CAD: variants seen among roughly 807,000 people sequenced by gnomAD.
The protein encoded by CAD is multifunctional protein CAD.
A neutral mutation model predicts 237.2 loss-of-function variants in CAD; 81 were observed. The ratio of observed to expected loss-of-function variants is 0.34; its 90% CI spans 0.29 to 0.41. The LOEUF (loss-of-function observed/expected upper bound fraction) is 0.41. Ranked by LOEUF, CAD falls within the 10% of genes least tolerant of loss-of-function variation. The probability of loss-of-function intolerance (pLI) is 1.00; values close to 1 mark genes in which losing one functional copy is unlikely to be tolerated. For missense variants in CAD, 2,181 were observed against 2,951.7 expected, an observed-to-expected ratio of 0.74 and a Z score of 6.05; for synonymous variants, 1,196 against 1,162.8, an observed-to-expected ratio of 1.03 and a Z score of -0.58.
rs1675898531 is a variant in CAD at position 27,234,245 on chromosome 2, A to G, written c.3618+19A>G. The G allele has an allele frequency of 6.2e-7, 1 of 1,602,828 alleles. No individual in the cohort carries two copies. Among genetic ancestry groups the G allele is most frequent in the Non-Finnish European group, 8.5e-7 (1 of 1,169,696 alleles). On this transcript the variant is annotated intron_variant, in intron 22 of 43. Coordinates refer to ENST00000264705, the MANE Select transcript of CAD (RefSeq NM_004341.5). ...TGCCAAGGTAATAAGGCTAAAGGAA[A>G]GAACTAAAGGGCCACAGCTCTTGCA...
intron 15 of CAD, among the ~76,000 whole-genome samples, chr2:27,229,543 T>G (rs1675618320): frequency 6.6e-6 from 1 of 152,114 alleles, no homozygotes; most frequent in Non-Finnish European, 1.5e-5. Flanking sequence ...AGTGTTGGAT[T>G]ACAGGTGAGA....
chr2:27,240,451 C>T lies in CAD; in HGVS notation c.5593+90C>T, dbSNP rs1676261116. On this transcript the variant is annotated intron_variant, in intron 35 of 43. Coordinates refer to ENST00000264705, the MANE Select transcript of CAD (RefSeq NM_004341.5). This position sits in a 1 kb window ranked among gnomAD's most constrained non-coding sequence, Gnocchi z 4.6. ...TCGCCTTTCTCTACTTACATGTCCT[C>T]CTCTCCATCCCTTTATCCTCGTCTG... 1.4e-6 allele frequency: 2 copies of T among 1,472,482 alleles called. No homozygotes were observed. The highest frequency in any genetic ancestry group is 1.4e-5 in the African/African-American group (1 of 72,136). The allele number at this position is 1,472,482 out of a possible 1,614,324, so 91.2% of individuals were successfully genotyped here.
Position 27,239,733 on chromosome 2 carries a change from A to C in CAD, c.5431A>C (p.Lys1811Gln), listed in dbSNP as rs1214198467. The change falls in exon 34 of 44, where the codon AAG (lysine) becomes CAG (glutamine). Residue 1811 changes from lysine (K) to glutamine (Q), a missense_variant. Around this residue, in one of 12 missense-constraint regions of CAD, gnomAD observed 478 missense variants for 515.0 expected, o/e 0.93. Transcript: ENST00000264705. This position sits in a 1 kb window ranked among gnomAD's most constrained non-coding sequence, Gnocchi z 4.0. ...VPPGYGQDVRKWPQGAVPQLP... is the reference protein window; with the variant it reads ...VPPGYGQDVRQWPQGAVPQLP... Reference sequence around the variant, plus strand: ...CCCGGGCTATGGACAGGATGTACGGAAGTGGCCACAGGGGGCTGTTCCTCA... The same window carrying C: ...CCCGGGCTATGGACAGGATGTACGGCAGTGGCCACAGGGGGCTGTTCCTCA... The C allele has an allele frequency of 6.3e-7, 1 of 1,593,780 alleles. No homozygotes were observed. The highest frequency in any genetic ancestry group is 8.5e-7 in the Non-Finnish European group (1 of 1,169,688).
At position 27,226,527 on chromosome 2, in the gene CAD, T is replaced by C. The variant is rs1401980233; in HGVS notation, c.2034T>C (p.Tyr678=). The part of the protein sequence containing the change: ...QYALNPESEQ[Y]YIIEVNARLS... ...GACTTTATTCTCCTTCTTTGCAGTA[T>C]TACATCATTGAAGTGAATGCCAGGC... The change falls in exon 14 of 44, where the codon TAT becomes TAC. Residue 678 remains tyrosine (Y), a splice_region_variant and synonymous_variant. Transcript: ENST00000264705. 1.7e-5 allele frequency: 27 copies of C among 1,614,144 alleles called. No individual in the cohort carries two copies. The highest frequency in any genetic ancestry group is 2.2e-5 in the Non-Finnish European group (26 of 1,180,004).
At chr2:27,220,639 A>G (rs907266184) in intron 2 of CAD, among the ~76,000 whole-genome samples, 1 of 149,926 alleles carries the variant, frequency 6.7e-6, no homozygotes, top group Non-Finnish European at 1.5e-5. Flanking sequence ...AGCCTGGATA[A>G]CAGCAAGACC....
At position 27,236,877 on chromosome 2, in the gene CAD, G is replaced by A. The variant is rs374719718; in HGVS notation, c.4396+47G>A. The A allele has an allele frequency of 2.6e-6, 4 of 1,515,010 alleles. No individual in the cohort carries two copies. The African/African-American group carries it at 4.1e-5, about 16-fold the overall frequency. The allele number at this position is 1,515,010 out of a possible 1,614,324, so 93.8% of individuals were successfully genotyped here. A position where few individuals can be genotyped will look rare whatever the true frequency, so the allele number is the denominator to read the frequency against. ...GGCTTCTGAACACTGGCAGCCCCTGGCATAGAGACCTGCAGTGTGGTGAAG... is the reference window on the plus strand; with the variant it reads ...GGCTTCTGAACACTGGCAGCCCCTGACATAGAGACCTGCAGTGTGGTGAAG... On this transcript the variant is annotated intron_variant, in intron 27 of 43. Transcript: ENST00000264705. The surrounding 1 kb of genome is among the most constrained non-coding windows in gnomAD (Gnocchi z 4.1).
chr2:27,228,846 C>T (rs1223898075), intron 15 of CAD, among the ~76,000 whole-genome samples: 1 of 151,928 alleles, frequency 6.6e-6, no homozygotes, highest in Non-Finnish European at 1.5e-5. Context: ...CACCTTTGGC[C>T]TCCCAAAGTG....
intron 2 of CAD, among the ~76,000 whole-genome samples, chr2:27,220,021 AATTAAT>A (rs538448962): frequency 1.2e-3 from 181 of 152,202 alleles, no homozygotes; most frequent in African/African-American, 4.0e-3. Flanking sequence ...CACACTCTAT[AATTAAT>A]ATTTATATGG....
In CAD at chr2:27,223,696, G is replaced by A. The variant is rs142361149; in HGVS notation, c.943G>A (p.Ala315Thr). 2.8e-5 allele frequency: 46 copies of A among 1,614,058 alleles called. No individual in the cohort carries two copies. Among genetic ancestry groups the A allele is most frequent in the South Asian group, 6.6e-5 (6 of 91,088 alleles). Reference sequence around the variant, plus strand: ...AGACTGGGCTCCTCTCTTCACCAACGCCAATGATGGTTCCAATGAAGGCAT... The same window carrying A: ...AGACTGGGCTCCTCTCTTCACCAACACCAATGATGGTTCCAATGAAGGCAT... ...PADWAPLFTNANDGSNEGIVH... is the reference protein window; with the variant it reads ...PADWAPLFTNTNDGSNEGIVH... Residue 315 changes from alanine to threonine, a missense_variant, in exon 7 of 44, where the codon GCC (alanine) becomes ACC (threonine). Around this residue, in one of 12 missense-constraint regions of CAD, gnomAD observed 129 missense variants for 143.3 expected, o/e 0.90. Coordinates refer to ENST00000264705, the MANE Select transcript of CAD (RefSeq NM_004341.5).
chr2:27,232,281 C>T lies in CAD; in HGVS notation c.2645+57C>T. ...GAAATGTGGGGCAGAACCTTTGTAT[C>T]AGTGAGGGACCCTTGGGAGGGAGGA... On this transcript the variant is annotated intron_variant, in intron 17 of 43. Transcript: ENST00000264705. The surrounding 1 kb of genome is among the most constrained non-coding windows in gnomAD (Gnocchi z 4.1). The T allele has an allele frequency of 1.2e-6, 2 of 1,602,400 alleles. No individual in the cohort carries two copies. Among genetic ancestry groups the T allele is most frequent in the Non-Finnish European group, 1.7e-6 (2 of 1,175,222 alleles).
intron 6 of CAD, 71 bp from the exon 7 acceptor site, chr2:27,223,492 A>T: frequency 7.5e-7 from 1 of 1,334,668 alleles, no homozygotes; most frequent in Non-Finnish European, 1.1e-6. Flanking sequence ...GAGATCGGTG[A>T]GAGCTGGGGT....
intron 16 of CAD, 63 bp from the exon 17 acceptor site, chr2:27,231,917 C>T: frequency 6.2e-7 from 1 of 1,601,664 alleles, no homozygotes; most frequent in Non-Finnish European, 8.5e-7. Context: ...AGAGCAGCTA[C>T]TTACGCTCAG....
Position 27,240,873 on chromosome 2 carries a change from G to A in CAD, c.5594-38G>A, listed in dbSNP as rs529318064. On this transcript the variant is annotated intron_variant, in intron 35 of 43. Coordinates refer to ENST00000264705, the MANE Select transcript of CAD (RefSeq NM_004341.5). This position sits in a 1 kb window ranked among gnomAD's most constrained non-coding sequence, Gnocchi z 4.6. ...ATATGGGGTTTCTTTCCAAACCTCA[G>A]CCATAAATGTATATCTGTCCTCTTG... The A allele has an allele frequency of 6.2e-7, 1 of 1,610,320 alleles. No homozygotes were observed.
chr2:27,218,820 ATC>A (rs769938490), intron 2 of CAD, among the ~76,000 whole-genome samples: 1 of 152,204 alleles, frequency 6.6e-6, no homozygotes, highest in South Asian at 2.1e-4. Context: ...CTAGAGTAGT[ATC>A]TCTCAAAATT....
rs1466941693 is a variant in CAD at position 27,239,963 on chromosome 2, A to G, written c.5496+165A>G. On this transcript the variant is annotated intron_variant, in intron 34 of 43. Coordinates refer to ENST00000264705, the MANE Select transcript of CAD (RefSeq NM_004341.5). This position sits in a 1 kb window ranked among gnomAD's most constrained non-coding sequence, Gnocchi z 4.0. ...TTTTTTTAAAATGCTGGGCCAGGCCAGATGTGGTGGCTCACACTTGTAATC... is the reference window on the plus strand; with the variant it reads ...TTTTTTTAAAATGCTGGGCCAGGCCGGATGTGGTGGCTCACACTTGTAATC... 1.6e-6 allele frequency: 1 copy of G among 607,110 alleles called. No individual in the cohort carries two copies. The allele number at this position is 607,110 out of a possible 1,614,324, so 37.6% of individuals were successfully genotyped here. A position where few individuals can be genotyped will look rare whatever the true frequency, so the allele number is the denominator to read the frequency against.
chr2:27,224,941 G>A (rs1393578121), intron 10 of CAD, 65 bp downstream of exon 10: 2 of 1,610,062 alleles, frequency 1.2e-6, no homozygotes, highest in Middle Eastern at 1.7e-4. Flanking sequence ...GTCACTGTGG[G>A]TTATTAAACT....
intron 15 of CAD, among the ~76,000 whole-genome samples, chr2:27,230,340 T>C (rs17005959): frequency 0.13 from 19,378 of 150,532 alleles, 3,545 homozygotes; most frequent in African/African-American, 0.42. Flanking sequence ...TGTGATGATA[T>C]GTAAAACATA....
intron 2 of CAD, 116 bp from the exon 3 acceptor site, chr2:27,221,102 G>T (rs1675143745): frequency 1.3e-6 from 1 of 766,316 alleles, no homozygotes; most frequent in Non-Finnish European, 1.9e-6. Flanking sequence ...CAAAAGTTTG[G>T]TATATTGAAG....
Position 27,232,208 on chromosome 2 carries a change from G to T in CAD, c.2629G>T (p.Ala877Ser), listed in dbSNP as rs1405872435. Residue 877 changes from alanine (A) to serine (S), a missense_variant, in exon 17 of 44, where the codon GCC (alanine) becomes TCC (serine). Transcript: ENST00000264705. The surrounding 1 kb of genome is among the most constrained non-coding windows in gnomAD (Gnocchi z 4.1). ...KCLGFSDKQI[A>S]LAVLSTELAV... is the part of the protein sequence containing the mutation. ...TCTTGGCTTCTCAGACAAACAGATT[G>T]CCCTTGCAGTTCTGAGGTCAGAGGT... The T allele has an allele frequency of 1.9e-6, 3 of 1,614,124 alleles. No individual in the cohort carries two copies. The highest frequency in any genetic ancestry group is 2.5e-6 in the Non-Finnish European group (3 of 1,180,036).
Sources: gnomAD v4.1 joint callset for allele counts (sites outside exome capture counted in the v4.1 genomes callset) on GRCh38, gnomAD v4.1.1 for gene constraint, gnomAD v4.1.1 regional missense constraint, Gnocchi (gnomAD v3.1) non-coding constraint, MANE v1.5 for transcripts, NCBI Gene and HGNC (gene_info 2026-07-23, HGNC 2026-07-21) for gene names.